Variants in PRKACB observed in about 807,000 individuals in gnomAD.
PRKACB encodes cAMP-dependent protein kinase catalytic subunit beta.
Under a neutral mutation model 51.4 loss-of-function variants are expected in PRKACB, and 16 were observed. The observed-to-expected ratio is 0.31, with a 90% CI of 0.21 to 0.47. The LOEUF (loss-of-function observed/expected upper bound fraction) is 0.47. PRKACB is among the 20% of genes least tolerant of loss of function. PRKACB has a pLI of 1.00. For synonymous variants in PRKACB, 147 were observed against 154.4 expected, an observed-to-expected ratio of 0.95 and a Z score of 0.35; for missense variants, 309 against 464.5, an observed-to-expected ratio of 0.67 and a Z score of 3.08.
chr1:84,185,348 A>G (rs953965576), intron 5 of PRKACB, among the ~76,000 whole-genome samples, 166 bp downstream of exon 5: 1 of 151,984 alleles, frequency 6.6e-6, no homozygotes, highest in East Asian at 1.9e-4. Flanking sequence ...GTTTTAATAT[A>G]AAGAATATAA....
intron 1 of PRKACB, chr1:84,175,813 C>T: frequency 6.4e-7 from 1 of 1,564,060 alleles, no homozygotes; most frequent in Non-Finnish European, 8.7e-7. Context: ...CTTTGGTATG[C>T]TCATTTCCTT....
chr1:84,102,014 A>G (rs575603854), intron 1 of PRKACB, among the ~76,000 whole-genome samples: 49 of 152,276 alleles, frequency 3.2e-4, no homozygotes, highest in African/African-American at 1.1e-3. Context: ...CTTTTAAAAA[A>G]TACTGTAAGA....
upstream of PRKACB, chr1:84,078,104 C>G: frequency 2.3e-6 from 1 of 438,214 alleles, no homozygotes; most frequent in Non-Finnish European, 3.9e-6. Flanking sequence ...GCCGTCGCCG[C>G]CGCCGCCGCC....
At chr1:84,146,368 T>G (rs971599834) in intron 1 of PRKACB, among the ~76,000 whole-genome samples, 3 of 151,932 alleles carry the variant, frequency 2.0e-5, no homozygotes, top group Non-Finnish European at 2.9e-5. Flanking sequence ...TATGGTAGCA[T>G]GAAGCTATAA....
rs545138790 is a variant in PRKACB, at chr1:84,092,281, T to C, written c.46+13910T>C. 8.5e-5 allele frequency among the ~76,000 whole-genome samples: 13 copies of C among 152,316 alleles called. No individual in the cohort carries two copies. In the East Asian group the frequency reaches 2.5e-3, roughly 29 times the overall value. The stretch of plus-strand genomic sequence containing the variant: ...TTAAAATGTGGAATACTGCATCATG[T>C]TTTCCTTTGTGACTGCCTTCTTTCA... On this transcript the variant is annotated intron_variant, in intron 1 of 8. Coordinates refer to the PRKACB transcript ENST00000370688.
chr1:84,176,705 A>G (rs1461726457), intron 1 of PRKACB, among the ~76,000 whole-genome samples: 4 of 151,790 alleles, frequency 2.6e-5, no homozygotes, highest in African/African-American at 4.8e-5. Flanking sequence ...ATCCCTTTAT[A>G]TTTTGAAGTA....
rs574276720 is a variant in PRKACB, at chr1:84,137,761, T to A, written c.47-41416T>A. Among the ~76,000 whole-genome samples, 28 of 152,298 alleles carry A rather than the reference T, an allele frequency of 1.8e-4. No homozygotes were observed. In the South Asian group the frequency reaches 3.1e-3, roughly 17 times the overall value. ...CCTACCAGGTTAACAATTCTGATAT[T>A]TCTATATGTATATACTGAAATTGAA... On this transcript the variant is annotated intron_variant, in intron 1 of 8. Coordinates refer to the PRKACB transcript ENST00000370688.
intron 1 of PRKACB, among the ~76,000 whole-genome samples, chr1:84,147,863 A>G (rs958563220): frequency 3.9e-5 from 6 of 152,146 alleles, no homozygotes; most frequent in African/African-American, 1.2e-4. Context: ...TTTAAACTTT[A>G]AAAGTTTTCT....
At chr1:84,155,041 C>CAATA (rs746338439) in intron 1 of PRKACB, among the ~76,000 whole-genome samples, 37 of 151,440 alleles carry the variant, frequency 2.4e-4, no homozygotes, top group East Asian at 7.8e-4. Context: ...AGCATTTAGG[C>CAATA]AATAAATAAA....
At chr1:84,107,797 C>A (rs1297923358) in intron 1 of PRKACB, among the ~76,000 whole-genome samples, 1 of 152,020 alleles carries the variant, frequency 6.6e-6, no homozygotes, top group Non-Finnish European at 1.5e-5. Context: ...CCATCTCACA[C>A]CAGTCAGAAT....
chr1:84,208,026 C>T (rs931129946), intron 8 of PRKACB, among the ~76,000 whole-genome samples: 1 of 152,076 alleles, frequency 6.6e-6, no homozygotes, highest in African/African-American at 2.4e-5. Context: ...TGCCACCACG[C>T]CCGGCTAATT....
intron 1 of PRKACB, among the ~76,000 whole-genome samples, chr1:84,102,546 A>T (rs1649432737): frequency 6.6e-6 from 1 of 152,192 alleles, no homozygotes; most frequent in African/African-American, 2.4e-5. Context: ...TCCAAAGGGA[A>T]TGTGGATGTG....
intron 7 of PRKACB, among the ~76,000 whole-genome samples, chr1:84,199,498 C>T (rs919613702): frequency 6.6e-6 from 1 of 152,146 alleles, no homozygotes; most frequent in Non-Finnish European, 1.5e-5. Context: ...CTTTTTATAG[C>T]TGCATAGTAT....
intron 8 of PRKACB, among the ~76,000 whole-genome samples, chr1:84,211,962 G>A (rs1672200519): frequency 6.6e-6 from 1 of 152,058 alleles, no homozygotes; most frequent in Admixed American, 6.5e-5. Flanking sequence ...GAGATTTTGA[G>A]TTGCTAATTT....
intron 1 of PRKACB, among the ~76,000 whole-genome samples, chr1:84,079,783 A>T (rs1647379599): frequency 6.6e-6 from 1 of 152,136 alleles, no homozygotes. Context: ...CTCCTGCCTC[A>T]GCCTCCTGAG....
intron 1 of PRKACB, among the ~76,000 whole-genome samples, chr1:84,174,346 A>G (rs979243377): frequency 6.6e-6 from 1 of 151,798 alleles, no homozygotes; most frequent in African/African-American, 2.4e-5. Flanking sequence ...CAAATGCTGT[A>G]TTCTCTATTA....
chr1:84,090,969 T>C (rs1326990203), intron 1 of PRKACB, among the ~76,000 whole-genome samples: 1 of 152,172 alleles, frequency 6.6e-6, no homozygotes, highest in Non-Finnish European at 1.5e-5. Flanking sequence ...TGTATTCTTA[T>C]CTTTTATATG....
intron 1 of PRKACB, among the ~76,000 whole-genome samples, chr1:84,112,170 G>A (rs1650281043): frequency 6.6e-6 from 1 of 151,290 alleles, no homozygotes; most frequent in Non-Finnish European, 1.5e-5. Flanking sequence ...ATTGCCATTA[G>A]CATTGGAGGC....
chr1:84,225,315 A>G (rs1025819625), intron 9 of PRKACB, among the ~76,000 whole-genome samples: 3 of 152,156 alleles, frequency 2.0e-5, no homozygotes, highest in Admixed American at 1.3e-4. Flanking sequence ...GGGCATTGCT[A>G]TCAGTGGCAG....
Sources: gnomAD v4.1 joint callset for allele counts (sites outside exome capture counted in the v4.1 genomes callset) on GRCh38, gnomAD v4.1.1 for gene constraint, MANE v1.5 for transcripts, NCBI Gene and HGNC (gene_info 2026-07-23, HGNC 2026-07-21) for gene names.